EPHA6: variants seen among roughly 807,000 people sequenced by gnomAD.
EPHA6 encodes ephrin type-A receptor 6.
EPHA6 carries 50 observed loss-of-function variants against 112.0 expected under a neutral mutation model. The observed-to-expected ratio is 0.45, with a 90% CI of 0.36 to 0.56. The LOEUF (loss-of-function observed/expected upper bound fraction) is 0.56, where lower values mean the gene tolerates loss of function less well. EPHA6 is among the 20% of genes least tolerant of loss of function. The pLI is 0.00. For missense variants in EPHA6, 1,280 were observed against 1,417.4 expected (o/e 0.90, Z 1.56); for synonymous variants, 529 against 490.7 (o/e 1.08, Z -1.03).
chr3:96,842,904 A>G (rs1426696413), intron 1 of EPHA6, among the ~76,000 whole-genome samples: 2 of 152,092 alleles, frequency 1.3e-5, no homozygotes, highest in Non-Finnish European at 2.9e-5. Flanking sequence ...ATATTTTTAA[A>G]TATCTATGCC....
At chr3:97,043,111 G>A (rs950261991) in intron 3 of EPHA6, among the ~76,000 whole-genome samples, 3 of 152,146 alleles carry the variant, frequency 2.0e-5, no homozygotes, top group African/African-American at 7.2e-5. Context: ...AGGAAAGAAA[G>A]TCTGAACTTT....
chr3:97,035,080 A>AT (rs1209947468), intron 3 of EPHA6, among the ~76,000 whole-genome samples: 1 of 151,868 alleles, frequency 6.6e-6, no homozygotes, highest in Non-Finnish European at 1.5e-5. Flanking sequence ...CTCAATTAAG[A>AT]TTTTTTAGAG....
chr3:97,623,442 A>G (rs750833820), intron 13 of EPHA6, among the ~76,000 whole-genome samples: 2 of 151,714 alleles, frequency 1.3e-5, no homozygotes, highest in Non-Finnish European at 3.0e-5. Flanking sequence ...TTGTATAACA[A>G]TATAACACAG....
At chr3:96,830,692 A>C in intron 1 of EPHA6, among the ~76,000 whole-genome samples, 1 of 152,160 alleles carries the variant, frequency 6.6e-6, no homozygotes, top group South Asian at 2.1e-4. Flanking sequence ...AAAATATGTA[A>C]GCACATTGAA....
intron 5 of EPHA6, among the ~76,000 whole-genome samples, chr3:97,308,138 T>C (rs2081398243): frequency 6.6e-6 from 1 of 151,776 alleles, no homozygotes; most frequent in Non-Finnish European, 1.5e-5. Context: ...AATTGTGTTT[T>C]AAATTATGTC....
intron 10 of EPHA6, among the ~76,000 whole-genome samples, chr3:97,514,720 C>G (rs1382232155): frequency 3.3e-5 from 5 of 152,122 alleles, no homozygotes; most frequent in African/African-American, 1.2e-4. Flanking sequence ...TGGTCCTAAT[C>G]TGGTGATAGG....
intron 6 of EPHA6, among the ~76,000 whole-genome samples, chr3:97,435,753 C>A (rs1314872273): frequency 6.6e-6 from 1 of 152,034 alleles, no homozygotes; most frequent in Non-Finnish European, 1.5e-5. Context: ...AGGTATTTTT[C>A]TTTCTTTCCA....
At chr3:97,252,439 A>G (rs148365669) in intron 5 of EPHA6, among the ~76,000 whole-genome samples, 8 of 152,236 alleles carry the variant, frequency 5.3e-5, no homozygotes, top group East Asian at 3.9e-4. Flanking sequence ...ACGCGCGCGC[A>G]CGCACAGGCA....
At chr3:97,154,550 A>G (rs2076245687) in intron 3 of EPHA6, among the ~76,000 whole-genome samples, 1 of 152,158 alleles carries the variant, frequency 6.6e-6, no homozygotes, top group South Asian at 2.1e-4. Flanking sequence ...AACTGTAGTC[A>G]CTGTGCTGTG....
chr3:97,619,559 T>C (rs2093796532), intron 13 of EPHA6, among the ~76,000 whole-genome samples: 2 of 152,062 alleles, frequency 1.3e-5, no homozygotes, highest in Non-Finnish European at 2.9e-5. Flanking sequence ...GATAAGCAAC[T>C]TCAGCAAACT....
chr3:96,941,963 G>A (rs527295447), intron 2 of EPHA6, among the ~76,000 whole-genome samples: 14 of 152,318 alleles, frequency 9.2e-5, no homozygotes, highest in Non-Finnish European at 1.5e-4. Flanking sequence ...CTGCCTGATC[G>A]TTGCTCTGGA....
intron 14 of EPHA6, among the ~76,000 whole-genome samples, chr3:97,677,959 C>A (rs1285381045): frequency 1.3e-5 from 2 of 152,000 alleles, no homozygotes; most frequent in Non-Finnish European, 2.9e-5. Flanking sequence ...TATTAATGTT[C>A]ACATTCAGGA....
At position 97,140,301 on chromosome 3, in the gene EPHA6, C is replaced by T. The variant is rs539064202; in HGVS notation, c.1115-85963C>T. Among the ~76,000 whole-genome samples, 4 of 152,068 alleles carry T rather than the reference C, an allele frequency of 2.6e-5. No individual in the cohort carries two copies. In the East Asian group the frequency reaches 7.7e-4, roughly 29 times the overall value. On this transcript the variant is annotated intron_variant, in intron 3 of 17. Transcript: ENST00000389672. Reference sequence around the variant, plus strand: ...TTCAGGATAATTTCCCTGGTCTTGCCAGAGATGTAGAAATCCAGATACAGA... The same window carrying T: ...TTCAGGATAATTTCCCTGGTCTTGCTAGAGATGTAGAAATCCAGATACAGA...
At chr3:97,168,769 C>T (rs2076609989) in intron 3 of EPHA6, among the ~76,000 whole-genome samples, 1 of 152,062 alleles carries the variant, frequency 6.6e-6, no homozygotes, top group South Asian at 2.1e-4. Context: ...TTTCGTTATA[C>T]CCAGTTTCAG....
At chr3:97,344,995 T>C (rs2083469399) in intron 5 of EPHA6, among the ~76,000 whole-genome samples, 1 of 151,944 alleles carries the variant, frequency 6.6e-6, no homozygotes, top group Non-Finnish European at 1.5e-5. Context: ...GTGGGAAGCC[T>C]GAGCAAGAGT....
chr3:96,894,711 C>A (rs918032474), intron 2 of EPHA6, among the ~76,000 whole-genome samples: 2 of 151,956 alleles, frequency 1.3e-5, no homozygotes, highest in African/African-American at 2.4e-5. Context: ...TGGCAAACAA[C>A]TTTAATGTGG....
intron 3 of EPHA6, among the ~76,000 whole-genome samples, chr3:97,045,592 AATC>A (rs1405798860): frequency 2.0e-5 from 3 of 152,086 alleles, no homozygotes; most frequent in East Asian, 1.9e-4. Flanking sequence ...ACTCAAAAGA[AATC>A]ATCATAAGTT....
intron 2 of EPHA6, among the ~76,000 whole-genome samples, chr3:96,940,361 T>G (rs2040865450): frequency 6.6e-6 from 1 of 152,222 alleles, no homozygotes; most frequent in South Asian, 2.1e-4. Flanking sequence ...AATGGCCTTA[T>G]TTGTCTCTTT....
At chr3:96,838,405 G>T (rs904923502) in intron 1 of EPHA6, among the ~76,000 whole-genome samples, 2 of 151,982 alleles carry the variant, frequency 1.3e-5, no homozygotes, top group African/African-American at 4.8e-5. Flanking sequence ...ATTCCTTTGG[G>T]CATTTACCCA....
Sources: allele counts gnomAD v4.1 joint callset (sites outside exome capture counted in the v4.1 genomes callset), GRCh38; gene constraint gnomAD v4.1.1; transcripts MANE v1.5; gene names NCBI Gene and HGNC (gene_info 2026-07-23, HGNC 2026-07-21).